The following GFM1 variants were observed in gnomAD, a reference collection of about 807,000 sequenced individuals.
GFM1 encodes the protein elongation factor G, mitochondrial.
A neutral mutation model predicts 96.2 loss-of-function variants in GFM1; 62 were observed. That is an observed-to-expected ratio of 0.64 (90% CI 0.53 to 0.80). The LOEUF (loss-of-function observed/expected upper bound fraction) is 0.80. Ranked by LOEUF, GFM1 falls within the 30% of genes least tolerant of loss-of-function variation. GFM1 has a pLI of 0.00. For missense variants in GFM1, 852 were observed against 916.6 expected (o/e 0.93, Z 0.91); for synonymous variants, 282 against 312.9 (o/e 0.90, Z 1.04).
intron 13 of GFM1, chr3:158,669,220 C>T (rs1724025093): frequency 7.2e-7 from 1 of 1,384,848 alleles, no homozygotes; most frequent in Non-Finnish European, 9.9e-7. Flanking sequence ...GTCTTAGTTT[C>T]CTTCGAATGT....
chr3:158,648,542 G>A (rs1212616621), intron 4 of GFM1, among the ~76,000 whole-genome samples: 2 of 152,090 alleles, frequency 1.3e-5, no homozygotes, highest in African/African-American at 4.8e-5. Context: ...GCCAGGCGTG[G>A]TGGCGGGCAC....
chr3:158,644,582 G>A lies in GFM1; in HGVS notation c.-53G>A. On this transcript the variant is annotated 5_prime_UTR_variant, in exon 1 of 18. Coordinates refer to ENST00000486715, the MANE Select transcript of GFM1 (RefSeq NM_024996.7). ...TTGACCGCTTCCCGGTGCGTTACCG[G>A]CAGCTGAACCCACCCGGCGCCACGG... 6.8e-7 allele frequency: 1 copy of A among 1,462,906 alleles called. No homozygotes were observed. Among genetic ancestry groups the A allele is most frequent in the Non-Finnish European group, 9.4e-7 (1 of 1,069,056 alleles). The allele number at this position is 1,462,906 out of a possible 1,614,324, so 90.6% of individuals were successfully genotyped here.
In GFM1 at chr3:158,658,914, A is replaced by G. The variant is rs1560132979; in HGVS notation, c.1084-8A>G. On this transcript the variant is annotated splice_region_variant and splice_polypyrimidine_tract_variant and intron_variant, in intron 8 of 17. Transcript: ENST00000486715. Reference sequence around the variant, plus strand: ...TTCTTCCTGCCCTTACCCAATCTTGACTTCTAGGTAGGTCGATTTGGACAA... The same window carrying G: ...TTCTTCCTGCCCTTACCCAATCTTGGCTTCTAGGTAGGTCGATTTGGACAA... 4 of 1,614,052 alleles carry G rather than the reference A, an allele frequency of 2.5e-6. No individual in the cohort carries two copies. The highest frequency in any genetic ancestry group is 3.4e-6 in the Non-Finnish European group (4 of 1,179,958).
At chr3:158,674,899 A>G (rs182540653) in intron 13 of GFM1, among the ~76,000 whole-genome samples, 61 of 152,344 alleles carry the variant, frequency 4.0e-4, no homozygotes, top group Admixed American at 3.9e-3. Context: ...TAAACAGCCA[A>G]AAATGTCTAA....
intron 8 of GFM1, chr3:158,656,085 T>C (rs1237821259): frequency 8.7e-6 from 3 of 343,452 alleles, no homozygotes; most frequent in South Asian, 2.4e-5. Context: ...TGAAGTGTTA[T>C]TCTTGTCACA....
At chr3:158,672,215 C>G (rs1560139116) in intron 13 of GFM1, 2 of 1,078,254 alleles carry the variant, frequency 1.9e-6, no homozygotes, top group East Asian at 2.5e-5. Flanking sequence ...AGACCAGATA[C>G]CAGCAGTGTG....
chr3:158,658,892 T>C, intron 8 of GFM1, 30 bp from the exon 9 acceptor site: 3 of 1,613,110 alleles, frequency 1.9e-6, no homozygotes, highest in Non-Finnish European at 2.5e-6. Context: ...CTTTTTATTC[T>C]TCCTGCCCTT....
chr3:158,644,682 G>A lies in GFM1; in HGVS notation c.48G>A (p.Arg16=). ...AAAVAALGRG[R]APASLGWQRK... ...CCGTCGCGGCTCTGGGGCGCGGAAG[G>A]GCCCCCGCCTCCCTAGGCTGGCAGA... Residue 16 remains arginine (R), a synonymous_variant, in exon 1 of 18, where the codon AGG becomes AGA. Coordinates refer to ENST00000486715, the MANE Select transcript of GFM1 (RefSeq NM_024996.7). The A allele has an allele frequency of 6.3e-7, 1 of 1,580,228 alleles. No homozygotes were observed. Among genetic ancestry groups the A allele is most frequent in the Non-Finnish European group, 8.6e-7 (1 of 1,164,012 alleles).
intron 15 of GFM1, among the ~76,000 whole-genome samples, chr3:158,688,058 A>G (rs1726009553): frequency 6.6e-6 from 1 of 151,338 alleles, no homozygotes; most frequent in Non-Finnish European, 1.5e-5. Context: ...GTATACTATT[A>G]TTATATGTTA....
At chr3:158,667,148 C>T (rs976108619) in intron 13 of GFM1, 2 of 1,393,032 alleles carry the variant, frequency 1.4e-6, no homozygotes, top group Admixed American at 2.9e-5. Context: ...TTTTGAAAAT[C>T]ATCTTTGATT....
chr3:158,653,917 G>A (rs549561811), intron 7 of GFM1, among the ~76,000 whole-genome samples: 1 of 151,958 alleles, frequency 6.6e-6, no homozygotes. Flanking sequence ...CTAAAAATAC[G>A]GAAATTAGCC....
At chr3:158,668,947 T>C (rs2108060737) in intron 13 of GFM1, 2 of 1,463,336 alleles carry the variant, frequency 1.4e-6, no homozygotes, top group East Asian at 4.6e-5. Flanking sequence ...TACAATACTT[T>C]CGATAAATAT....
chr3:158,653,034 A>T (rs1722421025), intron 6 of GFM1, among the ~76,000 whole-genome samples: 1 of 150,834 alleles, frequency 6.6e-6, no homozygotes, highest in African/African-American at 2.4e-5. Flanking sequence ...GTGTATATGT[A>T]TTTTTTTTTA....
Position 158,651,161 on chromosome 3 carries a change from C to G in GFM1, c.690-935C>G, listed in dbSNP as rs189218052. ...GTTCAACCTCTGGTGTAATGGAGAA[C>G]TGATGTCACAGATTGAAGAGTCTGT... On this transcript the variant is annotated intron_variant, in intron 5 of 17. Transcript: ENST00000486715. 2.8e-4 allele frequency: 42 copies of G among 151,354 alleles called. No homozygotes were observed. In the East Asian group the frequency reaches 8.0e-3, roughly 29 times the overall value. The allele number at this position is 151,354 out of a possible 1,614,324, so 9.4% of individuals were successfully genotyped here. A position where few individuals can be genotyped will look rare whatever the true frequency, so the allele number is the denominator to read the frequency against.
At position 158,694,556 on chromosome 3, in the gene GFM1, C is replaced by G. The variant is rs1203873197; in HGVS notation, c.*3089C>G. Among the ~76,000 whole-genome samples, 1 of 152,098 alleles carries G rather than the reference C, an allele frequency of 6.6e-6. No homozygotes were observed. Among genetic ancestry groups the G allele is most frequent in the Non-Finnish European group, 1.5e-5 (1 of 68,004 alleles). ...GACACAAGTTTAGCTATGTAACAAG[C>G]CTGCACATCAACCCCTGAACTTAAA... On this transcript the variant is annotated 3_prime_UTR_variant, in exon 18 of 18. Transcript: ENST00000486715.
At chr3:158,659,397 G>A (rs1723013486) in intron 9 of GFM1, among the ~76,000 whole-genome samples, 1 of 152,216 alleles carries the variant, frequency 6.6e-6, no homozygotes, top group South Asian at 2.1e-4. Flanking sequence ...ATTTAAGACT[G>A]TGGAACTGTG....
chr3:158,672,507 G>C (rs1360857789), intron 13 of GFM1: 22 of 1,612,464 alleles, frequency 1.4e-5, no homozygotes, highest in Non-Finnish European at 1.7e-5. Context: ...TCAGGGCTTG[G>C]GCTACTCTGG....
rs1392671675 is a variant in GFM1, at chr3:158,669,610, G to C, written c.1601+3224G>C. On this transcript the variant is annotated intron_variant, in intron 13 of 17. Coordinates refer to ENST00000486715, the MANE Select transcript of GFM1 (RefSeq NM_024996.7). ...TCAGCTGTGCAGTTCACCTTAACTTGCTGTTTGAAATTTAGCAAAATATCC... is the reference window on the plus strand; with the variant it reads ...TCAGCTGTGCAGTTCACCTTAACTTCCTGTTTGAAATTTAGCAAAATATCC... 14 of 1,612,804 alleles carry C rather than the reference G, an allele frequency of 8.7e-6. No homozygotes were observed. The South Asian group carries it at 1.5e-4, about 18-fold the overall frequency.
At chr3:158,666,873 TTATAA>T (rs1723745133) in intron 13 of GFM1, 2 of 1,445,498 alleles carry the variant, frequency 1.4e-6, no homozygotes, top group Non-Finnish European at 9.4e-7. Flanking sequence ...ATTGCTGCAA[TTATAA>T]TATACTTAAA....
Sources: allele counts gnomAD v4.1 joint callset (sites outside exome capture counted in the v4.1 genomes callset), GRCh38; gene constraint gnomAD v4.1.1; transcripts MANE v1.5; gene names NCBI Gene and HGNC (gene_info 2026-07-23, HGNC 2026-07-21).